The following LEF1 variants were observed in gnomAD, a reference collection of about 807,000 sequenced individuals.
LEF1 encodes lymphoid enhancer binding factor 1.
A neutral mutation model predicts 51.2 loss-of-function variants in LEF1; 14 were observed. That is an observed-to-expected ratio of 0.27 (90% CI 0.18 to 0.43). LEF1 has a LOEUF of 0.43. Ranked by LOEUF, LEF1 falls within the 20% of genes least tolerant of loss-of-function variation. The pLI is 1.00. For missense variants in LEF1, 386 were observed against 512.0 expected (o/e 0.75, Z 2.37); for synonymous variants, 185 against 183.2 (o/e 1.01, Z -0.08).
intron 8 of LEF1, chr4:108,075,361 G>C: frequency 6.6e-6 from 1 of 152,170 alleles, no homozygotes; most frequent in Admixed American, 6.5e-5. Context: ...AAATTTATTA[G>C]GTTCAGAACA....
chr4:108,093,567 G>A (rs532515681), intron 3 of LEF1, among the ~76,000 whole-genome samples: 2 of 151,950 alleles, frequency 1.3e-5, no homozygotes, highest in Non-Finnish European at 2.9e-5. Context: ...CCAGCTTTAC[G>A]AGATACCTGG....
chr4:108,073,537 G>A (rs1030923934), intron 8 of LEF1, among the ~76,000 whole-genome samples: 7 of 152,122 alleles, frequency 4.6e-5, no homozygotes, highest in African/African-American at 1.7e-4. Context: ...TTTACTATTT[G>A]ACAACTATCA....
At chr4:108,109,744 C>G (rs1340656676) in intron 3 of LEF1, among the ~76,000 whole-genome samples, 1 of 152,096 alleles carries the variant, frequency 6.6e-6, no homozygotes, top group Non-Finnish European at 1.5e-5. Flanking sequence ...AAGACATTCC[C>G]TCAGGTTCTA....
chr4:108,079,668 C>G, intron 6 of LEF1, 54 bp from the exon 7 acceptor site: 12 of 1,604,778 alleles, frequency 7.5e-6, no homozygotes, highest in Non-Finnish European at 1.0e-5. Context: ...GCAGCAAAAG[C>G]TAGATGGAAT....
At chr4:108,121,070 T>C (rs921982848) in intron 3 of LEF1, among the ~76,000 whole-genome samples, 4 of 152,240 alleles carry the variant, frequency 2.6e-5, no homozygotes, top group African/African-American at 7.2e-5. Context: ...GTGCTTTATA[T>C]GTACTTCCCA....
chr4:108,094,004 G>T (rs1056699663), intron 3 of LEF1, among the ~76,000 whole-genome samples: 6 of 152,174 alleles, frequency 3.9e-5, no homozygotes, highest in African/African-American at 1.4e-4. Context: ...GCATGGAGAA[G>T]AAAATATTCT....
At chr4:108,102,934 T>C (rs978163781) in intron 3 of LEF1, among the ~76,000 whole-genome samples, 2 of 152,202 alleles carry the variant, frequency 1.3e-5, no homozygotes, top group African/African-American at 4.8e-5. Context: ...ATTATCACCC[T>C]GCAAGAAAGG....
intron 11 of LEF1, among the ~76,000 whole-genome samples, chr4:108,060,662 G>T (rs1737620430): frequency 6.6e-6 from 1 of 152,084 alleles, no homozygotes; most frequent in South Asian, 2.1e-4. Context: ...CTCCTCGGAG[G>T]TGCCTTTCCT....
chr4:108,079,514 T>G lies in LEF1; in HGVS notation c.823A>C (p.Thr275Pro). The change falls in exon 7 of 12, where the codon ACT (threonine) becomes CCT (proline). Residue 275 changes from threonine to proline, a missense_variant. Physicochemically the swap from Thr to Pro is conservative, Grantham distance 38. Around this residue, in one of 2 missense-constraint regions of LEF1, gnomAD observed 335 missense variants for 390.7 expected, o/e 0.86. Coordinates refer to ENST00000265165, the MANE Select transcript of LEF1 (RefSeq NM_016269.5). Reference sequence around the variant, plus strand: ...TACACGTGCATTAGGTCACTGTCAGTGTGGGGATGTTCCTGTTTGACCTGA... The same window carrying G: ...TACACGTGCATTAGGTCACTGTCAGGGTGGGGATGTTCCTGTTTGACCTGA... ...TPQVKQEHPH[T>P]DSDLMHVKPQ... 2 of 1,613,940 alleles carry G rather than the reference T, an allele frequency of 1.2e-6. No individual in the cohort carries two copies. The highest frequency in any genetic ancestry group is 1.7e-6 in the Non-Finnish European group (2 of 1,179,970).
chr4:108,073,761 G>C (rs1364187970), intron 8 of LEF1, among the ~76,000 whole-genome samples: 1 of 151,824 alleles, frequency 6.6e-6, no homozygotes, highest in Non-Finnish European at 1.5e-5. Context: ...AAGGCAAGGA[G>C]GCAAAGTAGG....
intron 3 of LEF1, among the ~76,000 whole-genome samples, chr4:108,125,714 A>AT (rs201464366): frequency 1.1e-3 from 163 of 142,202 alleles, no homozygotes; most frequent in Middle Eastern, 3.7e-3. Context: ...ACACCTTGGG[A>AT]TTTTTTTTTT....
intron 3 of LEF1, among the ~76,000 whole-genome samples, chr4:108,154,443 C>A (rs375368370): frequency 4.3e-3 from 310 of 71,956 alleles, no homozygotes; most frequent in African/African-American, 5.1e-3. Flanking sequence ...AAGGTAGTAG[C>A]AAAAAAAAAA....
Position 108,068,832 on chromosome 4 carries a change from C to T in LEF1, c.1116+1831G>A, listed in dbSNP as rs531864590. Among the ~76,000 whole-genome samples, 6 of 152,276 alleles carry T rather than the reference C, an allele frequency of 3.9e-5. No homozygotes were observed. The South Asian group carries it at 1.2e-3, about 32-fold the overall frequency. ...ACAGCAGCACCTAAAGCAATGGCTA[C>T]ATATTAAATTGTATATTAATTAACG... On this transcript the variant is annotated intron_variant, in intron 9 of 11. Transcript: ENST00000265165.
chr4:108,117,594 C>T (rs2110327564), intron 3 of LEF1, among the ~76,000 whole-genome samples: 1 of 152,376 alleles, frequency 6.6e-6, no homozygotes, highest in Non-Finnish European at 1.5e-5. Flanking sequence ...GTACAAGGTT[C>T]TGTAAGGGCA....
chr4:108,134,795 C>A (rs6827893), intron 3 of LEF1, among the ~76,000 whole-genome samples: 5,171 of 152,284 alleles, frequency 0.034, 278 homozygotes, highest in African/African-American at 0.12. Flanking sequence ...GGTCACATAG[C>A]AAGCCAAAGG....
intron 9 of LEF1, among the ~76,000 whole-genome samples, chr4:108,064,657 A>T (rs1013973184): frequency 2.1e-4 from 2 of 9,600 alleles, no homozygotes; most frequent in African/African-American, 3.6e-4. Context: ...TCTCTCACTC[A>T]CACACACACA....
chr4:108,120,025 GT>G (rs1742074453), intron 3 of LEF1, among the ~76,000 whole-genome samples: 2 of 96,102 alleles, frequency 2.1e-5, no homozygotes, highest in African/African-American at 7.3e-5. Context: ...GTGTGTGTGT[GT>G]GTGTGTATGT....
At position 108,079,467 on chromosome 4, in the gene LEF1, C is replaced by T. The variant is rs772550800; in HGVS notation, c.845+25G>A. 6.2e-6 allele frequency: 10 copies of T among 1,613,606 alleles called. No individual in the cohort carries two copies. The South Asian group carries it at 8.8e-5, about 14-fold the overall frequency. On this transcript the variant is annotated intron_variant, in intron 7 of 11. Transcript: ENST00000265165. ...AATCCTCAGTATCCTAAGGCAATCACAGCAGAGCCCGGGTGGATACTTACA... is the reference window on the plus strand; with the variant it reads ...AATCCTCAGTATCCTAAGGCAATCATAGCAGAGCCCGGGTGGATACTTACA...
At chr4:108,090,832 T>C (rs1352335241) in intron 3 of LEF1, among the ~76,000 whole-genome samples, 1 of 152,144 alleles carries the variant, frequency 6.6e-6, no homozygotes, top group African/African-American at 2.4e-5. Context: ...ACAACTTCTC[T>C]AGGGGAATCA....
Sources: gnomAD v4.1 joint callset for allele counts (sites outside exome capture counted in the v4.1 genomes callset) on GRCh38, gnomAD v4.1.1 for gene constraint, gnomAD v4.1.1 regional missense constraint, MANE v1.5 for transcripts, NCBI Gene and HGNC (gene_info 2026-07-23, HGNC 2026-07-21) for gene names.